SV2B: variants seen among roughly 807,000 people sequenced by gnomAD.
SV2B encodes the protein solute carrier family 22 member B2.
In SV2B, 41 loss-of-function variants were observed where a neutral mutation model predicts 73.9. The observed-to-expected ratio is 0.56, with a 90% confidence interval of 0.43 to 0.72. The LOEUF is 0.72. SV2B is among the 30% of genes least tolerant of loss of function. The probability of loss-of-function intolerance (pLI) is 0.00; values close to 1 mark genes in which losing one functional copy is unlikely to be tolerated. For synonymous variants in SV2B, 314 were observed against 314.2 expected, an observed-to-expected ratio of 1.00 and a Z score of 0.01; for missense variants, 764 against 857.8, an observed-to-expected ratio of 0.89 and a Z score of 1.37.
In SV2B at chr15:91,231,236, C is replaced by A. The variant is rs527857029; in HGVS notation, c.451+4522C>A. Among the ~76,000 whole-genome samples the A allele has an allele frequency of 2.0e-5, 3 of 152,066 alleles. No homozygotes were observed. The highest frequency in any genetic ancestry group is 4.4e-5 in the Non-Finnish European group (3 of 68,022). ...CAACGGATTGCCATGTTTAGGAGTGCGGACTTGATTCCACTGGTAGTGGAG... is the reference window on the plus strand; with the variant it reads ...CAACGGATTGCCATGTTTAGGAGTGAGGACTTGATTCCACTGGTAGTGGAG... On this transcript the variant is annotated intron_variant, in intron 2 of 12. Transcript: ENST00000394232. The surrounding 1 kb of genome is among the most constrained non-coding windows in gnomAD (Gnocchi z 4.5).
At chr15:91,143,280 G>A in intron 1 of SV2B, among the ~76,000 whole-genome samples, 1 of 152,186 alleles carries the variant, frequency 6.6e-6, no homozygotes, top group East Asian at 1.9e-4. Flanking sequence ...TCCTATTAGA[G>A]ACGATTCAGT....
chr15:91,146,031 G>A lies in SV2B; in HGVS notation c.-392+45668G>A, dbSNP rs139075520. Among the ~76,000 whole-genome samples, 813 of 152,174 alleles carry A rather than the reference G, an allele frequency of 5.3e-3. 5 individuals carry two copies. Among genetic ancestry groups the A allele is most frequent in the African/African-American group, 0.019 (769 of 41,502 alleles). On this transcript the variant is annotated intron_variant, in intron 1 of 12. Coordinates refer to ENST00000394232, the MANE Select transcript of SV2B (RefSeq NM_001323032.3). ...TTTGCTTTTGTTGCCATTGCTTTTG[G>A]TGTCTTCATCATAGAATCTTTGCCC...
chr15:91,277,459 C>G (rs1317433402), intron 9 of SV2B, among the ~76,000 whole-genome samples: 1 of 152,210 alleles, frequency 6.6e-6, no homozygotes, highest in African/African-American at 2.4e-5. Context: ...TCCATTACCT[C>G]CTGGATTTCC....
At chr15:91,270,880 A>G (rs77581105) in intron 9 of SV2B, among the ~76,000 whole-genome samples, 4,068 of 61,090 alleles carry the variant, frequency 0.067, 353 homozygotes, top group African/African-American at 0.23. Context: ...CGGACGGTGA[A>G]TCTTGTGGAT....
rs2046272950 is a variant in SV2B, at chr15:91,223,227, T to C, written c.-391-2646T>C. On this transcript the variant is annotated intron_variant, in intron 1 of 12. Transcript: ENST00000394232. This position sits in a 1 kb window ranked among gnomAD's most constrained non-coding sequence, Gnocchi z 4.6. ...CTTGATTACCTCTGGAAAGACTCTA[T>C]TTCCAAATAAGATCACATTTTGAGG... Among the ~76,000 whole-genome samples the C allele has an allele frequency of 6.6e-6, 1 of 152,252 alleles. No individual in the cohort carries two copies. The highest frequency in any genetic ancestry group is 6.5e-5 in the Admixed American group (1 of 15,286).
chr15:91,241,558 C>A lies in SV2B; in HGVS notation c.452-10261C>A, dbSNP rs2047014873. On this transcript the variant is annotated intron_variant, in intron 2 of 12. Transcript: ENST00000394232. The surrounding 1 kb of genome is among the most constrained non-coding windows in gnomAD (Gnocchi z 4.8). ...ATTTCCAGCATCTCTTCCTCATCTTCACTCTCAGATTAATAAACTCAGTTC... is the reference window on the plus strand; with the variant it reads ...ATTTCCAGCATCTCTTCCTCATCTTAACTCTCAGATTAATAAACTCAGTTC... 6.6e-6 allele frequency among the ~76,000 whole-genome samples: 1 copy of A among 152,116 alleles called. No homozygotes were observed. The highest frequency in any genetic ancestry group is 1.5e-5 in the Non-Finnish European group (1 of 68,028).
At chr15:91,256,983 A>AT (rs776618342) in intron 4 of SV2B, among the ~76,000 whole-genome samples, 3 of 152,218 alleles carry the variant, frequency 2.0e-5, no homozygotes, top group Non-Finnish European at 4.4e-5. Context: ...TTATATCCAA[A>AT]TAACTATTGC....
chr15:91,241,538 C>T lies in SV2B; in HGVS notation c.452-10281C>T, dbSNP rs531138194. ...GTCTTATCCACTATTTTCCAATTTC[C>T]AGCATCTCTTCCTCATCTTCACTCT... On this transcript the variant is annotated intron_variant, in intron 2 of 12. Transcript: ENST00000394232. The surrounding 1 kb of genome is among the most constrained non-coding windows in gnomAD (Gnocchi z 4.8). Among the ~76,000 whole-genome samples the T allele has an allele frequency of 3.3e-4, 50 of 152,198 alleles. No individual in the cohort carries two copies. Among genetic ancestry groups the T allele is most frequent in the African/African-American group, 1.2e-3 (49 of 41,524 alleles).
At chr15:91,174,991 G>A (rs1429619925) in intron 1 of SV2B, among the ~76,000 whole-genome samples, 4 of 152,222 alleles carry the variant, frequency 2.6e-5, no homozygotes, top group African/African-American at 7.2e-5. Context: ...GCATGGATGG[G>A]TGGAAGCCTT....
rs1032907138 is a variant in SV2B at position 91,295,760 on chromosome 15, A to G, written c.*3208A>G. 1.3e-5 allele frequency: 2 copies of G among 152,212 alleles called. No individual in the cohort carries two copies. The highest frequency in any genetic ancestry group is 1.3e-4 in the Admixed American group (2 of 15,286). The allele number at this position is 152,212 out of a possible 1,614,324, so 9.4% of individuals were successfully genotyped here. Reference sequence around the variant, plus strand: ...GCATCAGTTTAAACATAAAAAGATTAGTATTTATCCATCCATTTATTCATT... The same window carrying G: ...GCATCAGTTTAAACATAAAAAGATTGGTATTTATCCATCCATTTATTCATT... On this transcript the variant is annotated 3_prime_UTR_variant, in exon 13 of 13. Transcript: ENST00000394232.
Position 91,121,414 on chromosome 15 carries a change from AC to A in SV2B, c.-392+21054del, listed in dbSNP as rs1273782117. Among the ~76,000 whole-genome samples the A allele has an allele frequency of 6.6e-6, 1 of 152,240 alleles. No homozygotes were observed. The highest frequency in any genetic ancestry group is 6.5e-5 in the Admixed American group (1 of 15,286). On this transcript the variant is annotated intron_variant, in intron 1 of 12. Transcript: ENST00000394232. This position sits in a 1 kb window ranked among gnomAD's most constrained non-coding sequence, Gnocchi z 4.4. ...CCAATGATCCTAATGTGCAGCCAAGACCCAGTGACAGAGCAAACCTTCAATT... is the reference window on the plus strand; with the variant it reads ...CCAATGATCCTAATGTGCAGCCAAGACCAGTGACAGAGCAAACCTTCAATT...
chr15:91,266,848 C>A, intron 7 of SV2B, 156 bp downstream of exon 7: 2 of 556,814 alleles, frequency 3.6e-6, no homozygotes, highest in Admixed American at 6.7e-5. Context: ...CTCCAGCCCA[C>A]GTCTGCCTCT....
In SV2B at chr15:91,292,661, G is replaced by C; in HGVS notation, c.*109G>C. ...GAGGACACCTTGGATAGCACGGGAG[G>C]AGAAGTTGACTTTGTGACCCCTAGT... is the stretch of plus-strand genomic sequence containing the variant. On this transcript the variant is annotated 3_prime_UTR_variant, in exon 13 of 13. Coordinates refer to ENST00000394232, the MANE Select transcript of SV2B (RefSeq NM_001323032.3). The C allele has an allele frequency of 7.4e-7, 1 of 1,358,956 alleles. No homozygotes were observed. The highest frequency in any genetic ancestry group is 2.7e-4 in the Middle Eastern group (1 of 3,710). 84.2% of individuals were successfully genotyped at this position (1,358,956 alleles called of 1,614,324 possible).
At chr15:91,156,383 A>T (rs141218282) in intron 1 of SV2B, among the ~76,000 whole-genome samples, 191 of 152,220 alleles carry the variant, frequency 1.3e-3, no homozygotes, top group African/African-American at 4.5e-3. Context: ...CTAATAAGAG[A>T]TTTGGGGAAT....
chr15:91,266,268 A>C (rs2141678971), intron 6 of SV2B, among the ~76,000 whole-genome samples: 1 of 152,320 alleles, frequency 6.6e-6, no homozygotes, highest in Non-Finnish European at 1.5e-5. Flanking sequence ...TCCGTTGTCC[A>C]CTTTCCAGGG....
Position 91,224,931 on chromosome 15 carries a change from T to C in SV2B, c.-391-942T>C. Among the ~76,000 whole-genome samples the C allele has an allele frequency of 6.6e-6, 1 of 152,026 alleles. No homozygotes were observed. The highest frequency in any genetic ancestry group is 1.9e-4 in the East Asian group (1 of 5,180). ...ATTGGAATTGGGATATAGGATGAGA[T>C]CTTGGCTCTAGACAACATTGCCTCC... On this transcript the variant is annotated intron_variant, in intron 1 of 12. Transcript: ENST00000394232. The surrounding 1 kb of genome is among the most constrained non-coding windows in gnomAD (Gnocchi z 4.9).
At position 91,284,212 on chromosome 15, in the gene SV2B, A is replaced by G. The variant is rs958890453; in HGVS notation, c.1699A>G (p.Lys567Glu). The change falls in exon 11 of 13, where the codon AAG becomes GAG. Residue 567 changes from lysine (K) to glutamate (E), a missense_variant. By Grantham distance (56) the Lys-to-Glu change is moderately conservative. Transcript: ENST00000394232. This position sits in a 1 kb window ranked among gnomAD's most constrained non-coding sequence, Gnocchi z 4.5. ...ALLMDRIGRL[K>E]MIGGSMLISA... Reference sequence around the variant, plus strand: ...GCTCATGGATAGAATTGGAAGGCTCAAGATGATTGGTGAGTTGCCAGCAGG... The same window carrying G: ...GCTCATGGATAGAATTGGAAGGCTCGAGATGATTGGTGAGTTGCCAGCAGG... 7 of 1,614,004 alleles carry G rather than the reference A, an allele frequency of 4.3e-6. No individual in the cohort carries two copies. In the Admixed American group the frequency reaches 5.0e-5, roughly 12 times the overall value.
rs6496778 is a variant in SV2B, at chr15:91,236,362, A to G, written c.451+9648A>G. Among the ~76,000 whole-genome samples the G allele has an allele frequency of 0.38, 57,082 of 152,110 alleles. 14,795 individuals carry two copies. Among genetic ancestry groups the G allele is most frequent in the African/African-American group, 0.74 (30,691 of 41,478 alleles). On this transcript the variant is annotated intron_variant, in intron 2 of 12. Transcript: ENST00000394232. The surrounding 1 kb of genome is among the most constrained non-coding windows in gnomAD (Gnocchi z 4.1). ...ATTTGCTTCCACAATGGAAAACTTC[A>G]CCAAGAACAAAAAAGACCCATAAGA...
intron 6 of SV2B, 86 bp from the exon 7 acceptor site, chr15:91,266,496 G>C (rs1027627260): frequency 9.2e-7 from 1 of 1,082,056 alleles, no homozygotes; most frequent in Non-Finnish European, 1.4e-6. Flanking sequence ...TCCTAAATCA[G>C]TTTAAATAGT....
Sources: allele counts gnomAD v4.1 joint callset (sites outside exome capture counted in the v4.1 genomes callset), GRCh38; gene constraint gnomAD v4.1.1; non-coding constraint Gnocchi (gnomAD v3.1); transcripts MANE v1.5; gene names NCBI Gene and HGNC (gene_info 2026-07-23, HGNC 2026-07-21).